Variants in ITIH5 observed in about 807,000 individuals in gnomAD.
The protein encoded by ITIH5 is inter-alpha-trypsin inhibitor heavy chain 5.
A neutral mutation model predicts 77.5 loss-of-function variants in ITIH5; 65 were observed. The observed-to-expected ratio is 0.84, with a 90% CI of 0.69 to 1.03. The LOEUF (loss-of-function observed/expected upper bound fraction) is 1.03. Ranked by LOEUF, ITIH5 falls within the 50% of genes least tolerant of loss-of-function variation. The pLI is 0.00. For synonymous variants in ITIH5, 525 were observed against 494.3 expected, an observed-to-expected ratio of 1.06 and a Z score of -0.82; for missense variants, 1,208 against 1,213.1, an observed-to-expected ratio of 1.00 and a Z score of 0.06.
rs377294935 is a variant in ITIH5, at chr10:7,613,159, T to C, written c.939+2823A>G. Among the ~76,000 whole-genome samples the C allele has an allele frequency of 3.3e-5, 5 of 151,198 alleles. No individual in the cohort carries two copies. In the East Asian group the frequency reaches 7.7e-4, roughly 23 times the overall value. ...ACTTGGGGGAACTGAGGCAGGAGAGTTGCTTGAACCCAGGAGGCAGAGGCT... is the reference window on the plus strand; with the variant it reads ...ACTTGGGGGAACTGAGGCAGGAGAGCTGCTTGAACCCAGGAGGCAGAGGCT... On this transcript the variant is annotated intron_variant, in intron 7 of 13. Transcript: ENST00000397146.
chr10:7,626,640 G>A (rs1018598321), intron 5 of ITIH5, among the ~76,000 whole-genome samples: 8 of 152,150 alleles, frequency 5.3e-5, no homozygotes, highest in African/African-American at 1.4e-4. Context: ...AGAGTTGCCC[G>A]ATTTAGCAAA....
Position 7,617,295 on chromosome 10 carries a change from T to C in ITIH5, c.653-13A>G. 6.8e-7 allele frequency: 1 copy of C among 1,480,540 alleles called. No homozygotes were observed. Among genetic ancestry groups the C allele is most frequent in the Non-Finnish European group, 9.0e-7 (1 of 1,109,698 alleles). 91.7% of individuals were successfully genotyped at this position (1,480,540 alleles called of 1,614,324 possible). ...GGCCCAGAATCATCTGCAAACAAGATAGAAACATAATTAATAACTTAATAT... is the reference window on the plus strand; with the variant it reads ...GGCCCAGAATCATCTGCAAACAAGACAGAAACATAATTAATAACTTAATAT... On this transcript the variant is annotated splice_polypyrimidine_tract_variant and intron_variant, in intron 5 of 13. Transcript: ENST00000397146.
At chr10:7,600,934 C>A (rs1833002439) in intron 7 of ITIH5, among the ~76,000 whole-genome samples, 2 of 152,178 alleles carry the variant, frequency 1.3e-5, no homozygotes, top group Non-Finnish European at 2.9e-5. Flanking sequence ...GTTGGACTTT[C>A]CAACCTCTAG....
At chr10:7,647,655 TTTAG>T (rs1271814633) in intron 2 of ITIH5, among the ~76,000 whole-genome samples, 3 of 152,182 alleles carry the variant, frequency 2.0e-5, no homozygotes, top group Non-Finnish European at 4.4e-5. Context: ...GTGAGTGAAA[TTTAG>T]TTATTTTATT....
At chr10:7,563,633 A>G (rs1832083503) in intron 13 of ITIH5, among the ~76,000 whole-genome samples, 2 of 152,210 alleles carry the variant, frequency 1.3e-5, no homozygotes, top group African/African-American at 4.8e-5. Flanking sequence ...AAGTTGTGTA[A>G]CCTACACATA....
At chr10:7,568,989 T>C (rs943821632) in intron 12 of ITIH5, among the ~76,000 whole-genome samples, 1 of 149,676 alleles carries the variant, frequency 6.7e-6, no homozygotes, top group African/African-American at 2.5e-5. Flanking sequence ...TATTGTGGTT[T>C]TCTTTTCTTT....
chr10:7,660,724 A>G (rs1168992443), intron 1 of ITIH5, among the ~76,000 whole-genome samples: 2 of 152,198 alleles, frequency 1.3e-5, no homozygotes, highest in African/African-American at 2.4e-5. Context: ...GAGTCCATCC[A>G]TGGGAAAGAA....
At chr10:7,570,279 G>A (rs1358992956) in intron 11 of ITIH5, 1 of 152,662 alleles carries the variant, frequency 6.6e-6, no homozygotes, top group Non-Finnish European at 1.5e-5. Flanking sequence ...CGCAGCGTCA[G>A]CTGTACGCCA....
At chr10:7,635,332 A>G (rs1833782100) in intron 5 of ITIH5, among the ~76,000 whole-genome samples, 2 of 152,210 alleles carry the variant, frequency 1.3e-5, no homozygotes, top group South Asian at 4.1e-4. Context: ...ACAATGACCC[A>G]TGAGCTAGTT....
chr10:7,634,068 G>A lies in ITIH5; in HGVS notation c.652+3160C>T, dbSNP rs559223511. Among the ~76,000 whole-genome samples, 445 of 119,576 alleles carry A rather than the reference G, an allele frequency of 3.7e-3. 6 individuals carry two copies. The highest frequency in any genetic ancestry group is 0.013 in the African/African-American group (409 of 30,616). 78.4% of individuals were successfully genotyped at this position (119,576 alleles called of 152,430 possible). On this transcript the variant is annotated intron_variant, in intron 5 of 13. Coordinates refer to ENST00000397146, the MANE Select transcript of ITIH5 (RefSeq NM_030569.7). Reference sequence around the variant, plus strand: ...CGCGCCACTGCACTCCAGCCTGGGCGACAGAGCAAGACTCCGTCTCAAAAA... The same window carrying A: ...CGCGCCACTGCACTCCAGCCTGGGCAACAGAGCAAGACTCCGTCTCAAAAA...
intron 1 of ITIH5, among the ~76,000 whole-genome samples, chr10:7,657,489 A>G (rs951470449): frequency 1.3e-5 from 2 of 152,206 alleles, no homozygotes; most frequent in Non-Finnish European, 2.9e-5. Flanking sequence ...AAAAATGAAC[A>G]CAAAAGAAAA....
intron 9 of ITIH5, 139 bp from the exon 10 acceptor site, chr10:7,577,151 C>A: frequency 1.5e-6 from 1 of 662,842 alleles, no homozygotes; most frequent in Non-Finnish European, 2.5e-6. Flanking sequence ...GCACCCCACA[C>A]AATATTTCTG....
At chr10:7,639,171 C>G (rs1232485126) in intron 4 of ITIH5, among the ~76,000 whole-genome samples, 1 of 152,096 alleles carries the variant, frequency 6.6e-6, no homozygotes, top group Non-Finnish European at 1.5e-5. Flanking sequence ...AGACCACATA[C>G]CAGAGGCACG....
chr10:7,566,351 T>C lies in ITIH5; in HGVS notation c.2206A>G (p.Lys736Glu). ...GAPAPPNGHK[K>E]QRTYLRTITI... ...ATAGTGCGCAAGTAAGTGCGCTGTT[T>C]CTTGTGGCCATTTGGAGGGGCGGGT... Residue 736 changes from lysine to glutamate, a missense_variant, in exon 13 of 14, where the codon AAA becomes GAA. By Grantham distance (56) the Lys-to-Glu change is moderately conservative (BLOSUM62 1). Transcript: ENST00000397146. 6.2e-7 allele frequency: 1 copy of C among 1,606,988 alleles called. No individual in the cohort carries two copies. The highest frequency in any genetic ancestry group is 1.1e-5 in the South Asian group (1 of 90,962).
intron 5 of ITIH5, chr10:7,620,144 G>C (rs1833450455): frequency 6.6e-6 from 1 of 151,892 alleles, no homozygotes; most frequent in Non-Finnish European, 1.5e-5. Flanking sequence ...TTGGACTCCA[G>C]CCTGGGCAAC....
intron 5 of ITIH5, chr10:7,619,545 G>A: frequency 3.0e-6 from 1 of 335,048 alleles, no homozygotes; most frequent in Non-Finnish European, 6.2e-6. Flanking sequence ...CCTGAGACTG[G>A]GTAGTTTATA....
intron 2 of ITIH5, among the ~76,000 whole-genome samples, chr10:7,643,518 G>A (rs1833921263): frequency 6.6e-6 from 1 of 152,200 alleles, no homozygotes; most frequent in Non-Finnish European, 1.5e-5. Flanking sequence ...CTGTCTGGCT[G>A]CCCTCTGCAG....
At chr10:7,642,160 T>C in intron 2 of ITIH5, 70 bp from the exon 3 acceptor site, 1 of 1,220,764 alleles carries the variant, frequency 8.2e-7, no homozygotes, top group East Asian at 2.5e-5. Flanking sequence ...GGAACATCTT[T>C]TTTTTTTTCC....
intron 9 of ITIH5, among the ~76,000 whole-genome samples, chr10:7,579,211 C>T (rs73617547): frequency 0.014 from 2,173 of 152,244 alleles, 59 homozygotes; most frequent in African/African-American, 0.05. Flanking sequence ...GATGAGAAAA[C>T]GGAGGTACAG....
Sources: gnomAD v4.1 joint callset for allele counts (sites outside exome capture counted in the v4.1 genomes callset) on GRCh38, gnomAD v4.1.1 for gene constraint, MANE v1.5 for transcripts, NCBI Gene and HGNC (gene_info 2026-07-23, HGNC 2026-07-21) for gene names.